The following SYT14 variants were observed in gnomAD, a reference collection of about 807,000 sequenced individuals.
SYT14 encodes synaptotagmin 14.
Under a neutral mutation model 74.2 loss-of-function variants are expected in SYT14, and 32 were observed. That is an observed-to-expected ratio of 0.43 (90% CI 0.33 to 0.58). The LOEUF (loss-of-function observed/expected upper bound fraction) is 0.58, where lower values mean the gene tolerates loss of function less well. Ranked by LOEUF, SYT14 falls within the 20% of genes least tolerant of loss-of-function variation. The probability of loss-of-function intolerance (pLI) is 0.05; values close to 1 mark genes in which losing one functional copy is unlikely to be tolerated. For synonymous variants in SYT14, 298 were observed against 337.7 expected (o/e 0.88, Z 1.29); for missense variants, 791 against 981.8 (o/e 0.81, Z 2.60).
chr1:210,123,829 A>C (rs926266427), intron 7 of SYT14, among the ~76,000 whole-genome samples: 2 of 152,220 alleles, frequency 1.3e-5, no homozygotes, highest in African/African-American at 4.8e-5. Flanking sequence ...ATTATGCAAC[A>C]GAAAGGGTCC....
chr1:210,127,435 A>G (rs1321064312), intron 7 of SYT14, among the ~76,000 whole-genome samples: 1 of 152,162 alleles, frequency 6.6e-6, no homozygotes, highest in Non-Finnish European at 1.5e-5. Context: ...TCCATTGGCT[A>G]GGATTTGGTC....
chr1:210,000,466 GCACACACACACACA>G (rs375046637), intron 2 of SYT14, among the ~76,000 whole-genome samples: 2 of 143,102 alleles, frequency 1.4e-5, no homozygotes, highest in East Asian at 2.0e-4. Flanking sequence ...GTCCTCATAC[GCACACACACACACA>G]CACACACACA....
chr1:210,047,704 A>C (rs2080912278), intron 5 of SYT14, among the ~76,000 whole-genome samples: 3 of 152,172 alleles, frequency 2.0e-5, no homozygotes, highest in Non-Finnish European at 4.4e-5. Flanking sequence ...GCCTTGCAGA[A>C]TTTAATGTAG....
At chr1:210,027,943 G>A (rs1321996562) in intron 5 of SYT14, among the ~76,000 whole-genome samples, 1 of 152,010 alleles carries the variant, frequency 6.6e-6, no homozygotes, top group African/African-American at 2.4e-5. Context: ...ATGTTTAAAT[G>A]TACAGTTCAA....
chr1:209,966,497 GTTC>G (rs2079160662), intron 2 of SYT14, among the ~76,000 whole-genome samples: 1 of 151,962 alleles, frequency 6.6e-6, no homozygotes, highest in African/African-American at 2.4e-5. Context: ...TTTCTATTTA[GTTC>G]TTCTTTAATT....
intron 5 of SYT14, among the ~76,000 whole-genome samples, chr1:210,063,356 A>G (rs1391453381): frequency 1.3e-5 from 2 of 151,800 alleles, no homozygotes; most frequent in African/African-American, 4.8e-5. Context: ...TACTGCTTTT[A>G]TCCTATATTA....
intron 2 of SYT14, among the ~76,000 whole-genome samples, chr1:209,998,991 GC>G (rs1047840624): frequency 4.6e-5 from 7 of 151,882 alleles, no homozygotes; most frequent in African/African-American, 1.7e-4. Context: ...AAACAACAGA[GC>G]AAAAAGACAA....
chr1:210,146,756 TTATA>T (rs1441398833), intron 7 of SYT14, among the ~76,000 whole-genome samples: 3 of 151,084 alleles, frequency 2.0e-5, no homozygotes, highest in Non-Finnish European at 4.4e-5. Flanking sequence ...ATACTATATG[TTATA>T]TATACTACAT....
chr1:209,977,212 G>T (rs10127795), intron 2 of SYT14, among the ~76,000 whole-genome samples: 1 of 152,022 alleles, frequency 6.6e-6, no homozygotes, highest in African/African-American at 2.4e-5. Flanking sequence ...TTACATTAAA[G>T]GTTAATATTG....
chr1:210,163,211 T>A (rs1349898219), exon 10 of SYT14: 2 of 452,332 alleles, frequency 4.4e-6, no homozygotes, highest in East Asian at 7.0e-5. Context: ...AGCTTGGTGC[T>A]TTCACTCTTA....
At chr1:209,971,311 G>A (rs1220412870) in intron 2 of SYT14, among the ~76,000 whole-genome samples, 1 of 151,976 alleles carries the variant, frequency 6.6e-6, no homozygotes, top group African/African-American at 2.4e-5. Context: ...TCTCGGCATA[G>A]CATCATATCA....
In SYT14 at chr1:209,979,147, G is replaced by C. The variant is rs551834727; in HGVS notation, c.-486+26391G>C. Among the ~76,000 whole-genome samples the C allele has an allele frequency of 4.6e-5, 7 of 152,180 alleles. No homozygotes were observed. In the East Asian group the frequency reaches 1.2e-3, roughly 25 times the overall value. On this transcript the variant is annotated intron_variant, in intron 2 of 9. Transcript: ENST00000637265. ...GAAAGGGAATTCCCTGACCCCTTGC[G>C]CTTCCTGGGTGAGGCGATGCCTCGC...
chr1:209,942,202 C>A (rs1436352187), intron 1 of SYT14, among the ~76,000 whole-genome samples: 1 of 152,084 alleles, frequency 6.6e-6, no homozygotes, highest in African/African-American at 2.4e-5. Context: ...TGTCCAGAAG[C>A]GTATTTCTAA....
chr1:210,155,936 T>G lies in SYT14; in HGVS notation c.2224+26T>G, dbSNP rs2083260156. The G allele has an allele frequency of 6.2e-6, 10 of 1,607,908 alleles. 1 individual carries two copies. The highest frequency in any genetic ancestry group is 1.6e-4 in the Middle Eastern group (1 of 6,072). ...GTGAGTGAAAAATAATTTTTTTAAT[T>G]CTAATGTTTTCTGCACTTTTGGGAC... On this transcript the variant is annotated intron_variant, in intron 8 of 9. Transcript: ENST00000637265.
At chr1:210,147,059 T>C (rs7529352) in intron 7 of SYT14, among the ~76,000 whole-genome samples, 90,889 of 151,726 alleles carry the variant, frequency 0.6, 28,364 homozygotes, top group East Asian at 0.85. Context: ...TGACAGTAGA[T>C]GCAAGAGAAA....
At chr1:209,968,938 A>G (rs1166831560) in intron 2 of SYT14, among the ~76,000 whole-genome samples, 2 of 151,646 alleles carry the variant, frequency 1.3e-5, no homozygotes, top group African/African-American at 4.8e-5. Flanking sequence ...TTTTGTTCTC[A>G]TCTTTATGTC....
At chr1:210,035,818 A>G (rs993612950) in intron 5 of SYT14, among the ~76,000 whole-genome samples, 4 of 152,092 alleles carry the variant, frequency 2.6e-5, no homozygotes, top group Admixed American at 2.6e-4. Context: ...GCCTTACAGT[A>G]TAATTTGAAG....
chr1:210,012,517 T>A (rs1202215420), intron 2 of SYT14, among the ~76,000 whole-genome samples: 1 of 152,170 alleles, frequency 6.6e-6, no homozygotes, highest in Non-Finnish European at 1.5e-5. Flanking sequence ...GCAATGAGTA[T>A]AACATTTGAC....
At chr1:210,093,481 C>T (rs1175732525) in intron 5 of SYT14, among the ~76,000 whole-genome samples, 1 of 152,116 alleles carries the variant, frequency 6.6e-6, no homozygotes, top group Admixed American at 6.6e-5. Context: ...CCCTCCTGCC[C>T]CCAACTCTGT....
Sources: gnomAD v4.1 joint callset for allele counts (sites outside exome capture counted in the v4.1 genomes callset) on GRCh38, gnomAD v4.1.1 for gene constraint, MANE v1.5 for transcripts, NCBI Gene and HGNC (gene_info 2026-07-23, HGNC 2026-07-21) for gene names.